The following MASP1 variants were observed in gnomAD, a reference collection of about 807,000 sequenced individuals.
MASP1 encodes the protein MBL associated serine protease 1, also known as mannan-binding lectin serine protease 1.
MASP1 carries 59 observed loss-of-function variants against 77.1 expected under a neutral mutation model. The ratio of observed to expected loss-of-function variants is 0.77; its 90% CI spans 0.62 to 0.95. The LOEUF (loss-of-function observed/expected upper bound fraction) is 0.95, where lower values mean the gene tolerates loss of function less well. MASP1 is among the 40% of genes least tolerant of loss of function. The probability of loss-of-function intolerance (pLI) is 0.00; values close to 1 mark genes in which losing one functional copy is unlikely to be tolerated. For synonymous variants in MASP1, 362 were observed against 354.5 expected (o/e 1.02, Z -0.24); for missense variants, 885 against 912.9 (o/e 0.97, Z 0.39).
intron 8 of MASP1, chr3:187,247,469 G>A: frequency 6.7e-7 from 1 of 1,483,190 alleles, no homozygotes; most frequent in Admixed American, 1.7e-5. Context: ...AGAGAGATTA[G>A]CAAGCAAAGC....
chr3:187,254,536 G>A lies in MASP1; in HGVS notation c.745-1221C>T, dbSNP rs139575121. Among the ~76,000 whole-genome samples the A allele has an allele frequency of 7.2e-5, 11 of 152,238 alleles. No individual in the cohort carries two copies. The East Asian group carries it at 1.7e-3, about 24-fold the overall frequency. On this transcript the variant is annotated intron_variant, in intron 5 of 10. Transcript: ENST00000296280. ...GCATGAGGTTGGAAAACAGACAAAC[G>A]CCACTTTGTGTTGAGAGATTTAGGT...
intron 1 of MASP1, among the ~76,000 whole-genome samples, chr3:187,289,056 G>T (rs1362230099): frequency 6.6e-6 from 1 of 152,088 alleles, no homozygotes; most frequent in African/African-American, 2.4e-5. Context: ...TTGGCTTCTT[G>T]TATACGAGGC....
At chr3:187,232,545 G>A (rs1712834387), downstream of MASP1, among the ~76,000 whole-genome samples, 1 of 152,000 alleles carries the variant, frequency 6.6e-6, no homozygotes. Context: ...TTTTCCAGAT[G>A]TCTGCTAATG....
chr3:187,264,716 C>G (rs996388115), intron 2 of MASP1, among the ~76,000 whole-genome samples: 3 of 152,120 alleles, frequency 2.0e-5, no homozygotes, highest in African/African-American at 7.2e-5. Flanking sequence ...GTCTTTTTAT[C>G]AGCCTATTCA....
chr3:187,225,176 T>C (rs962184574), intron 13 of MASP1: 2 of 877,816 alleles, frequency 2.3e-6, no homozygotes, highest in Non-Finnish European at 3.6e-6. Flanking sequence ...TGGACCCAGT[T>C]CTGACTTGGC....
intron 3 of MASP1, among the ~76,000 whole-genome samples, chr3:187,261,620 G>A (rs1715587164): frequency 6.6e-6 from 1 of 152,128 alleles, no homozygotes; most frequent in Admixed American, 6.5e-5. Flanking sequence ...ATACATTGGT[G>A]GACAGATAAA....
intron 7 of MASP1, 194 bp downstream of exon 7, chr3:187,251,440 G>T: frequency 9.1e-6 from 5 of 547,422 alleles, no homozygotes; most frequent in South Asian, 2.1e-5. Flanking sequence ...AAACTTTTGT[G>T]CCACTTTCAG....
intron 1 of MASP1, among the ~76,000 whole-genome samples, chr3:187,288,391 C>T (rs764116858): frequency 3.9e-5 from 6 of 152,164 alleles, no homozygotes; most frequent in Non-Finnish European, 8.8e-5. Context: ...TTCAGCCCTG[C>T]TGAGGAGGGG....
At chr3:187,247,165 C>T in intron 8 of MASP1, 1 of 1,500,154 alleles carries the variant, frequency 6.7e-7, no homozygotes, top group East Asian at 2.5e-5. Flanking sequence ...TGCTTTCACA[C>T]ACGTAGCAGC....
At chr3:187,223,065 A>C (rs1201954535) in intron 14 of MASP1, 1 of 1,413,698 alleles carries the variant, frequency 7.1e-7, no homozygotes, top group African/African-American at 1.4e-5. Flanking sequence ...AACAATACGG[A>C]GCAGGAAGGC....
chr3:187,244,210 T>G (rs1307069183), intron 8 of MASP1: 1 of 161,124 alleles, frequency 6.2e-6, no homozygotes, highest in Non-Finnish European at 1.4e-5. Context: ...GGAGGCAGGG[T>G]TGGAGGTGGA....
chr3:187,279,182 T>C (rs1717210865), intron 2 of MASP1, among the ~76,000 whole-genome samples: 2 of 152,252 alleles, frequency 1.3e-5, no homozygotes, highest in Non-Finnish European at 2.9e-5. Context: ...TCAAGAACTT[T>C]CAACTTTTCT....
At chr3:187,225,185 G>A in intron 13 of MASP1, 1 of 938,372 alleles carries the variant, frequency 1.1e-6, no homozygotes, top group East Asian at 2.6e-5. Context: ...TTCTGACTTG[G>A]CTGTTTGAGG....
intron 11 of MASP1, among the ~76,000 whole-genome samples, chr3:187,227,251 G>T (rs989507904): frequency 2.0e-5 from 3 of 152,204 alleles, no homozygotes; most frequent in Non-Finnish European, 2.9e-5. Flanking sequence ...CAGGAACCCT[G>T]AGGCGTGGAG....
intron 1 of MASP1, among the ~76,000 whole-genome samples, chr3:187,290,631 C>T (rs1429118665): frequency 6.6e-6 from 1 of 152,176 alleles, no homozygotes. Context: ...TTAACATAGT[C>T]TGAAGCCTCT....
At chr3:187,219,845 G>A in exon 16 of MASP1, 1 of 577,114 alleles carries the variant, frequency 1.7e-6, no homozygotes, top group South Asian at 2.0e-5. Context: ...CTGCAAACTA[G>A]TAAGTGATAG....
chr3:187,271,698 G>A (rs1369296200), intron 2 of MASP1, among the ~76,000 whole-genome samples: 1 of 152,136 alleles, frequency 6.6e-6, no homozygotes, highest in East Asian at 1.9e-4. Flanking sequence ...GCTCAAAGCT[G>A]CTTCCCTCTA....
chr3:187,278,033 T>A (rs1380720717), intron 2 of MASP1, among the ~76,000 whole-genome samples: 1 of 152,216 alleles, frequency 6.6e-6, no homozygotes, highest in Non-Finnish European at 1.5e-5. Flanking sequence ...TACCATTGCC[T>A]TCATTACCAC....
intron 1 of MASP1, among the ~76,000 whole-genome samples, chr3:187,287,487 C>G (rs1717959499): frequency 6.6e-6 from 1 of 152,156 alleles, no homozygotes. Context: ...TTAGACACAC[C>G]CTTTGGAGTG....
Sources: gnomAD v4.1 joint callset for allele counts (sites outside exome capture counted in the v4.1 genomes callset) on GRCh38, gnomAD v4.1.1 for gene constraint, MANE v1.5 for transcripts, NCBI Gene and HGNC (gene_info 2026-07-23, HGNC 2026-07-21) for gene names.